TPRG1: variants seen among roughly 807,000 people sequenced by gnomAD.
The protein encoded by TPRG1 is tumor protein p63-regulated gene 1 protein.
In TPRG1, 29 loss-of-function variants were observed where a neutral mutation model predicts 29.3. The ratio of observed to expected loss-of-function variants is 0.99; its 90% CI spans 0.74 to 1.35. The LOEUF is 1.35. Among genes scored for constraint, TPRG1 ranks in the 40% most tolerant of loss-of-function variants. TPRG1 has a pLI of 0.00. For synonymous variants in TPRG1, 130 were observed against 116.8 expected (o/e 1.11, Z -0.73); for missense variants, 327 against 335.0 (o/e 0.98, Z 0.19).
In TPRG1 at chr3:189,036,553, C is replaced by T. The variant is rs529179671; in HGVS notation, c.-463+12607C>T. ...TGCATATGTAAAAATATAAAAAGAG[C>T]AACAACATAATGCTATCCCAGACAA... On this transcript the variant is annotated intron_variant, in intron 4 of 10. Transcript: ENST00000433971. Among the ~76,000 whole-genome samples the T allele has an allele frequency of 2.0e-4, 31 of 151,892 alleles. No homozygotes were observed. The South Asian group carries it at 4.6e-3, about 22-fold the overall frequency.
intron 3 of TPRG1, among the ~76,000 whole-genome samples, chr3:189,142,835 C>T (rs1245315526): frequency 6.6e-6 from 1 of 152,190 alleles, no homozygotes. Flanking sequence ...AACTCATTAG[C>T]TCTATTTAAT....
chr3:189,235,016 G>A (rs745746126), intron 3 of TPRG1, among the ~76,000 whole-genome samples: 18 of 152,078 alleles, frequency 1.2e-4, no homozygotes, highest in Non-Finnish European at 2.1e-4. Flanking sequence ...TTAAGTTGGA[G>A]GGGGCACAGT....
chr3:189,298,598 C>T (rs748000478), intron 4 of TPRG1, among the ~76,000 whole-genome samples: 1 of 152,102 alleles, frequency 6.6e-6, no homozygotes, highest in Non-Finnish European at 1.5e-5. Context: ...TGAGTTTCAC[C>T]TGTGGTTGGT....
chr3:189,098,075 C>T (rs768954869), upstream of TPRG1, among the ~76,000 whole-genome samples: 3 of 152,134 alleles, frequency 2.0e-5, no homozygotes, highest in Non-Finnish European at 4.4e-5. Flanking sequence ...TCCTTTGATT[C>T]ATCAGGGGCC....
intron 4 of TPRG1, among the ~76,000 whole-genome samples, chr3:189,079,283 GGT>G (rs1717428884): frequency 6.6e-6 from 1 of 152,074 alleles, no homozygotes; most frequent in Non-Finnish European, 1.5e-5. Flanking sequence ...CCTCCCACCA[GGT>G]GTTCCCCACC....
intron 4 of TPRG1, among the ~76,000 whole-genome samples, chr3:189,090,495 AAG>A (rs1178635006): frequency 6.6e-6 from 1 of 152,060 alleles, no homozygotes. Flanking sequence ...ATTATTGAGA[AAG>A]ATATATTAAG....
At chr3:189,170,579 C>T (rs1380053368), upstream of TPRG1, among the ~76,000 whole-genome samples, 2 of 152,212 alleles carry the variant, frequency 1.3e-5, no homozygotes, top group East Asian at 3.8e-4. Context: ...ATTTTATCTT[C>T]TTGAGCTCCT....
intron 4 of TPRG1, among the ~76,000 whole-genome samples, chr3:189,258,013 A>G (rs1404736828): frequency 6.6e-6 from 1 of 151,492 alleles, no homozygotes; most frequent in Non-Finnish European, 1.5e-5. Context: ...AATTAGTCAA[A>G]CTCATTCTCA....
intron 1 of TPRG1, among the ~76,000 whole-genome samples, chr3:189,194,393 G>C (rs1732204770): frequency 6.6e-6 from 1 of 152,212 alleles, no homozygotes; most frequent in African/African-American, 2.4e-5. Flanking sequence ...CTGGGTTCCA[G>C]GTACAGGTAA....
intron 5 of TPRG1, among the ~76,000 whole-genome samples, chr3:189,319,560 G>A (rs748783580): frequency 4.0e-5 from 6 of 151,776 alleles, no homozygotes; most frequent in Non-Finnish European, 7.4e-5. Flanking sequence ...AACCAGTTCC[G>A]ATGGTCTCTA....
At chr3:189,118,841 G>A (rs4254647) in intron 1 of TPRG1, among the ~76,000 whole-genome samples, 54,929 of 151,980 alleles carry the variant, frequency 0.36, 11,839 homozygotes, top group African/African-American at 0.58. Flanking sequence ...AGTCTGCGCA[G>A]AGGCAGAGTC....
intron 1 of TPRG1, among the ~76,000 whole-genome samples, chr3:189,105,811 G>A (rs1489842425): frequency 2.0e-5 from 3 of 152,188 alleles, no homozygotes; most frequent in Middle Eastern, 3.4e-3. Flanking sequence ...AGCTTACTTT[G>A]GATATAGAGA....
At chr3:189,051,399 G>A (rs993839363) in intron 4 of TPRG1, among the ~76,000 whole-genome samples, 9 of 152,022 alleles carry the variant, frequency 5.9e-5, no homozygotes, top group African/African-American at 2.2e-4. Context: ...GGAGTTGAAA[G>A]ACTTCTGCAA....
At chr3:189,086,941 G>A (rs141760845) in intron 4 of TPRG1, among the ~76,000 whole-genome samples, 5 of 152,238 alleles carry the variant, frequency 3.3e-5, no homozygotes, top group Non-Finnish European at 7.4e-5. Flanking sequence ...AGTCTTTGCT[G>A]TTGTGAATAG....
At chr3:189,177,035 G>A (rs1441013924) in intron 1 of TPRG1, among the ~76,000 whole-genome samples, 3 of 152,176 alleles carry the variant, frequency 2.0e-5, no homozygotes, top group African/African-American at 7.2e-5. Context: ...GGTGGCAGAA[G>A]AAGAGAGATT....
At chr3:189,078,137 C>CTTT (rs1325600410) in intron 4 of TPRG1, among the ~76,000 whole-genome samples, 63 of 50,060 alleles carry the variant, frequency 1.3e-3, no homozygotes, top group African/African-American at 3.5e-3. Flanking sequence ...TTCTTTCTTT[C>CTTT]CTTTCTTTTT....
intron 1 of TPRG1, among the ~76,000 whole-genome samples, chr3:189,198,028 G>A (rs530879442): frequency 7.2e-5 from 11 of 152,276 alleles, no homozygotes; most frequent in Non-Finnish European, 1.0e-4. Flanking sequence ...AGAGAGAAGC[G>A]AATACAGAGA....
At chr3:189,016,123 G>C (rs1712920490) in intron 3 of TPRG1, among the ~76,000 whole-genome samples, 1 of 152,132 alleles carries the variant, frequency 6.6e-6, no homozygotes, top group African/African-American at 2.4e-5. Context: ...TAGAGCCACA[G>C]GGGTCGAGAT....
At chr3:189,150,665 G>A (rs192119623) in exon 5 of TPRG1, 120 of 152,262 alleles carry the variant, frequency 7.9e-4, no homozygotes, top group African/African-American at 2.7e-3. Context: ...GAGTTATAAG[G>A]ATTCATCTGG....
Sources: gnomAD v4.1 joint callset for allele counts (sites outside exome capture counted in the v4.1 genomes callset) on GRCh38, gnomAD v4.1.1 for gene constraint, MANE v1.5 for transcripts, NCBI Gene and HGNC (gene_info 2026-07-23, HGNC 2026-07-21) for gene names.